DNER: variants seen among roughly 807,000 people sequenced by gnomAD.
DNER encodes delta/notch like EGF repeat containing.
In DNER, 33 loss-of-function variants were observed where a neutral mutation model predicts 78.2. The observed-to-expected ratio is 0.42, with a 90% CI of 0.32 to 0.56. DNER has a LOEUF of 0.56. Among genes scored for constraint, DNER ranks in the 20% least tolerant of loss-of-function variants. DNER has a pLI of 0.11. For synonymous variants in DNER, 417 were observed against 384.8 expected, an observed-to-expected ratio of 1.08 and a Z score of -0.98; for missense variants, 918 against 975.3, an observed-to-expected ratio of 0.94 and a Z score of 0.78.
intron 6 of DNER, among the ~76,000 whole-genome samples, chr2:229,487,171 G>A (rs77489683): frequency 0.12 from 19,013 of 152,166 alleles, 1,328 homozygotes; most frequent in South Asian, 0.2. Flanking sequence ...CTGAGTGGGA[G>A]GTCTTGGGCT....
At chr2:229,570,532 C>T (rs1697197717) in intron 4 of DNER, among the ~76,000 whole-genome samples, 1 of 151,194 alleles carries the variant, frequency 6.6e-6, no homozygotes, top group South Asian at 2.1e-4. Context: ...GAGGCTGAGG[C>T]AGGAGAATCC....
rs769395137 is a variant in DNER at position 229,546,960 on chromosome 2, G to A, written c.980C>T (p.Thr327Met). The A allele has an allele frequency of 4.3e-6, 7 of 1,613,976 alleles. No individual in the cohort carries two copies. The highest frequency in any genetic ancestry group is 1.6e-4 in the Middle Eastern group (1 of 6,080). The change falls in exon 5 of 13, where the codon ACG becomes ATG. Residue 327 changes from threonine to methionine, a missense_variant. By Grantham distance (81) the Thr-to-Met change is moderately conservative (BLOSUM62 -1). Transcript: ENST00000341772. ...GCATCCCCTTACCTCTGACGGCTTC[G>A]TGGTGCATTTTCCTTTTCCTGAACA... ...LECSGKGKCTTKPSEATFSCT... is the reference protein window; with the variant it reads ...LECSGKGKCTMKPSEATFSCT...
intron 5 of DNER, among the ~76,000 whole-genome samples, chr2:229,529,201 T>A (rs1185655022): frequency 6.6e-6 from 1 of 150,552 alleles, no homozygotes; most frequent in Non-Finnish European, 1.5e-5. Flanking sequence ...AATATCTTTT[T>A]TTTTTTAATC....
At chr2:229,388,453 T>G in intron 10 of DNER, 57 bp from the exon 11 acceptor site, 1 of 1,518,934 alleles carries the variant, frequency 6.6e-7, no homozygotes, top group Non-Finnish European at 8.8e-7. Flanking sequence ...TCCTGTCATT[T>G]TTCTGGCCAA....
At chr2:229,648,975 C>G (rs965534223) in intron 1 of DNER, among the ~76,000 whole-genome samples, 5 of 152,202 alleles carry the variant, frequency 3.3e-5, no homozygotes, top group Non-Finnish European at 7.3e-5. Context: ...TGATAACGTG[C>G]CTCAGCTAAC....
intron 1 of DNER, among the ~76,000 whole-genome samples, chr2:229,675,526 G>A (rs1408007400): frequency 6.6e-6 from 1 of 152,228 alleles, no homozygotes; most frequent in Non-Finnish European, 1.5e-5. Context: ...ACAAAGGACA[G>A]GAAAAGTGGA....
At chr2:229,470,811 T>C (rs1305651403) in intron 7 of DNER, among the ~76,000 whole-genome samples, 1 of 152,158 alleles carries the variant, frequency 6.6e-6, no homozygotes, top group East Asian at 1.9e-4. Flanking sequence ...GATCGTGCCA[T>C]TGGACTCCAG....
At chr2:229,676,936 A>T (rs766069563) in intron 1 of DNER, among the ~76,000 whole-genome samples, 8 of 152,038 alleles carry the variant, frequency 5.3e-5, no homozygotes, top group African/African-American at 1.4e-4. Flanking sequence ...AACGAGTCTC[A>T]CTTCCCTGTT....
chr2:229,549,846 G>A (rs1009839451), intron 4 of DNER, among the ~76,000 whole-genome samples: 4 of 151,798 alleles, frequency 2.6e-5, no homozygotes, highest in African/African-American at 9.7e-5. Context: ...GGGAGGCAGA[G>A]GTTGCAGTGA....
In DNER at chr2:229,379,084, C is replaced by T. The variant is rs552649334; in HGVS notation, c.1855+9181G>A. Among the ~76,000 whole-genome samples the T allele has an allele frequency of 9.2e-5, 14 of 152,238 alleles. No homozygotes were observed. The South Asian group carries it at 1.5e-3, about 16-fold the overall frequency. On this transcript the variant is annotated intron_variant, in intron 11 of 12. Transcript: ENST00000341772. ...GGAAGATGATAGAGTTGAGTGAACA[C>T]GGCGTCCAGGTATGCACTGAGATGT...
intron 1 of DNER, among the ~76,000 whole-genome samples, chr2:229,643,256 G>A (rs985729405): frequency 2.0e-5 from 3 of 152,062 alleles, no homozygotes; most frequent in African/African-American, 4.8e-5. Flanking sequence ...ATAGTGTAGT[G>A]GTCTCAGGAG....
chr2:229,561,687 A>G (rs1249104065), intron 4 of DNER, among the ~76,000 whole-genome samples: 1 of 152,126 alleles, frequency 6.6e-6, no homozygotes, highest in East Asian at 1.9e-4. Context: ...GATTCACCCT[A>G]CCACACTCCT....
chr2:229,387,974 G>A (rs533834856), intron 11 of DNER, among the ~76,000 whole-genome samples: 6 of 152,178 alleles, frequency 3.9e-5, no homozygotes, highest in East Asian at 1.9e-4. Context: ...GGCTGCATGA[G>A]TAGCAGTGAA....
intron 8 of DNER, among the ~76,000 whole-genome samples, chr2:229,444,644 T>G (rs35032874): frequency 0.22 from 32,980 of 152,150 alleles, 4,401 homozygotes; most frequent in Non-Finnish European, 0.31. Context: ...ATCCCAGCAC[T>G]GTGGGAGGCC....
chr2:229,592,129 A>G (rs887115217), intron 1 of DNER, among the ~76,000 whole-genome samples: 2 of 152,230 alleles, frequency 1.3e-5, no homozygotes, highest in Non-Finnish European at 2.9e-5. Flanking sequence ...CAGCCTCCTC[A>G]AAACCCAAAA....
At chr2:229,432,365 C>T (rs1329376133) in intron 8 of DNER, among the ~76,000 whole-genome samples, 1 of 151,560 alleles carries the variant, frequency 6.6e-6, no homozygotes, top group African/African-American at 2.4e-5. Flanking sequence ...CCAGCAAAGG[C>T]AACAAATGGG....
chr2:229,394,624 C>A (rs538107454), intron 10 of DNER, among the ~76,000 whole-genome samples: 10 of 152,174 alleles, frequency 6.6e-5, no homozygotes, highest in South Asian at 6.2e-4. Context: ...AGGGACACCC[C>A]AAAAATGCCA....
In DNER at chr2:229,491,346, A is replaced by G. The variant is rs186100752; in HGVS notation, c.1148-14093T>C. 5.6e-3 allele frequency among the ~76,000 whole-genome samples: 852 copies of G among 152,306 alleles called. 11 individuals are homozygous for G. Among genetic ancestry groups the G allele is most frequent in the Non-Finnish European group, 6.3e-3 (430 of 68,024 alleles). ...TTCGAGATGCCCTCACATGGCAGAAAAAGAAGGCAGCTCTCTGGGCCCTCT... is the reference window on the plus strand; with the variant it reads ...TTCGAGATGCCCTCACATGGCAGAAGAAGAAGGCAGCTCTCTGGGCCCTCT... On this transcript the variant is annotated intron_variant, in intron 6 of 12. Coordinates refer to ENST00000341772, the MANE Select transcript of DNER (RefSeq NM_139072.4).
intron 11 of DNER, among the ~76,000 whole-genome samples, chr2:229,376,427 G>A (rs1692603020): frequency 6.6e-6 from 1 of 152,156 alleles, no homozygotes. Flanking sequence ...CCAGAACTGT[G>A]AGCAATTACT....
Sources: gnomAD v4.1 joint callset for allele counts (sites outside exome capture counted in the v4.1 genomes callset) on GRCh38, gnomAD v4.1.1 for gene constraint, MANE v1.5 for transcripts, NCBI Gene and HGNC (gene_info 2026-07-23, HGNC 2026-07-21) for gene names.